CNTN4: variants seen among roughly 807,000 people sequenced by gnomAD.
CNTN4 encodes contactin-4.
A neutral mutation model predicts 122.5 loss-of-function variants in CNTN4; 77 were observed. That is an observed-to-expected ratio of 0.63 (90% confidence interval 0.52 to 0.76). The LOEUF (loss-of-function observed/expected upper bound fraction) is 0.76, where lower values mean the gene tolerates loss of function less well. Ranked by LOEUF, CNTN4 falls within the 30% of genes least tolerant of loss-of-function variation. The probability of loss-of-function intolerance (pLI) is 0.00; values close to 1 mark genes in which losing one functional copy is unlikely to be tolerated. For missense variants in CNTN4, 1,256 were observed against 1,259.1 expected (o/e 1.00, Z 0.04); for synonymous variants, 512 against 447.0 (o/e 1.15, Z -1.83).
chr3:2,385,859 C>T lies in CNTN4; in HGVS notation c.-89+46626C>T, dbSNP rs1343428152. ...CGTACCAGGGGTCAAGACTTCAACA[C>T]ATCTTTTTAGCGACACAATTCAACC... On this transcript the variant is annotated intron_variant, in intron 3 of 24. Coordinates refer to ENST00000418658, the MANE Select transcript of CNTN4 (RefSeq NM_175607.3). This position sits in a 1 kb window ranked among gnomAD's most constrained non-coding sequence, Gnocchi z 4.0. Among the ~76,000 whole-genome samples, 1 of 152,086 alleles carries T rather than the reference C, an allele frequency of 6.6e-6. No homozygotes were observed. The highest frequency in any genetic ancestry group is 2.4e-5 in the African/African-American group (1 of 41,440).
chr3:2,243,918 A>G (rs1559373672), intron 2 of CNTN4, among the ~76,000 whole-genome samples: 1 of 152,074 alleles, frequency 6.6e-6, no homozygotes, highest in Admixed American at 6.6e-5. Context: ...GCTGAAAGCA[A>G]TGTAAAAACC....
intron 13 of CNTN4, among the ~76,000 whole-genome samples, chr3:2,970,673 T>G (rs1033921392): frequency 2.0e-5 from 3 of 152,156 alleles, no homozygotes; most frequent in Non-Finnish European, 4.4e-5. Context: ...CTCAAACACC[T>G]GGGCTCAACT....
intron 4 of CNTN4, among the ~76,000 whole-genome samples, chr3:2,666,979 C>G (rs897765651): frequency 3.3e-5 from 5 of 151,970 alleles, no homozygotes; most frequent in African/African-American, 1.2e-4. Flanking sequence ...TTTTCTTAAT[C>G]CACTCTATCA....
chr3:2,351,450 C>T (rs1462794372), intron 3 of CNTN4, among the ~76,000 whole-genome samples: 1 of 152,056 alleles, frequency 6.6e-6, no homozygotes, highest in Admixed American at 6.6e-5. Context: ...CAAGGGTGAC[C>T]TTACTCGCAT....
At chr3:2,157,121 T>A (rs1559295559) in intron 2 of CNTN4, among the ~76,000 whole-genome samples, 2 of 152,262 alleles carry the variant, frequency 1.3e-5, no homozygotes, top group Non-Finnish European at 2.9e-5. Flanking sequence ...TTCTGGTTCC[T>A]GTTCTGAAAT....
rs186287912 is a variant in CNTN4, at chr3:2,380,683, T to G, written c.-89+41450T>G. Among the ~76,000 whole-genome samples, 398 of 151,916 alleles carry G rather than the reference T, an allele frequency of 2.6e-3. 4 individuals carry two copies. Among genetic ancestry groups the G allele is most frequent in the Middle Eastern group, 0.014 (4 of 292 alleles). ...ATATCCAGATTGGACTTGCTGATCA[T>G]GCATGCTTAGTGGGTTTCTTTTTTT... On this transcript the variant is annotated intron_variant, in intron 3 of 24. Transcript: ENST00000418658.
At chr3:3,012,536 G>A (rs2125516596) in intron 14 of CNTN4, among the ~76,000 whole-genome samples, 1 of 151,888 alleles carries the variant, frequency 6.6e-6, no homozygotes, top group African/African-American at 2.4e-5. Flanking sequence ...TGCAACCTCT[G>A]TCTCCTGGGT....
At position 2,867,010 on chromosome 3, in the gene CNTN4, A is replaced by G. The variant is rs6789163; in HGVS notation, c.652+61A>G. 484,941 of 1,413,236 alleles carry G rather than the reference A, an allele frequency of 0.34. 90,054 individuals are homozygous for G. The highest frequency in any genetic ancestry group is 0.74 in the East Asian group (32,212 of 43,392). 87.5% of individuals were successfully genotyped at this position (1,413,236 alleles called of 1,614,324 possible). A position where few individuals can be genotyped will look rare whatever the true frequency, so the allele number is the denominator to read the frequency against. ...GCAATCACAGGATGAATGTGGAGGT[A>G]TGTTATGTTGTTGGCACATGAAGCT... On this transcript the variant is annotated intron_variant, in intron 8 of 24. Transcript: ENST00000418658.
chr3:2,770,012 T>C (rs947870680), intron 6 of CNTN4, among the ~76,000 whole-genome samples: 1 of 107,168 alleles, frequency 9.3e-6, no homozygotes, highest in African/African-American at 3.3e-5. Flanking sequence ...TCTCTCTGTC[T>C]CTTTTTGTTT....
At chr3:2,295,023 C>T (rs1296699284) in intron 2 of CNTN4, among the ~76,000 whole-genome samples, 1 of 151,900 alleles carries the variant, frequency 6.6e-6, no homozygotes, top group Non-Finnish European at 1.5e-5. Context: ...TTTTTTATGG[C>T]TGCATAGTAT....
chr3:2,111,605 A>G (rs1190793767), intron 2 of CNTN4, among the ~76,000 whole-genome samples: 1 of 152,156 alleles, frequency 6.6e-6, no homozygotes, highest in Non-Finnish European at 1.5e-5. Context: ...TGACTCAGTG[A>G]TTCATATCCT....
chr3:2,673,308 G>A (rs1309649631), intron 4 of CNTN4, among the ~76,000 whole-genome samples: 1 of 152,078 alleles, frequency 6.6e-6, no homozygotes, highest in East Asian at 1.9e-4. Context: ...TTACATCTGG[G>A]TCTAAGCCAG....
rs535456025 is a variant in CNTN4, at chr3:2,639,495, G to A, written c.55+67937G>A. ...ACGCACTTCCCTCCACATTCATGGA[G>A]CTCCCTTACCCTGTTCCACTTTTTC... On this transcript the variant is annotated intron_variant, in intron 4 of 24. Coordinates refer to ENST00000418658, the MANE Select transcript of CNTN4 (RefSeq NM_175607.3). Among the ~76,000 whole-genome samples, 12 of 152,208 alleles carry A rather than the reference G, an allele frequency of 7.9e-5. No homozygotes were observed. In the South Asian group the frequency reaches 2.5e-3, roughly 32 times the overall value.
rs1442431969 is a variant in CNTN4 at position 2,385,966 on chromosome 3, T to C, written c.-89+46733T>C. ...GCAGTCGCTCCCGAGAATCCTTCTT[T>C]TTATGTTCAGAAGAGAGGTTATCAC... is the stretch of plus-strand genomic sequence containing the variant. On this transcript the variant is annotated intron_variant, in intron 3 of 24. Transcript: ENST00000418658. This position sits in a 1 kb window ranked among gnomAD's most constrained non-coding sequence, Gnocchi z 4.0. Among the ~76,000 whole-genome samples the C allele has an allele frequency of 6.6e-6, 1 of 152,108 alleles. No individual in the cohort carries two copies. The highest frequency in any genetic ancestry group is 2.4e-5 in the African/African-American group (1 of 41,436).
chr3:2,932,372 C>T (rs866333684), intron 13 of CNTN4, among the ~76,000 whole-genome samples: 1 of 151,828 alleles, frequency 6.6e-6, no homozygotes, highest in African/African-American at 2.4e-5. Flanking sequence ...AGCGAGACTC[C>T]GTCTCAAAAA....
At chr3:2,960,297 G>A (rs1402983640) in intron 13 of CNTN4, among the ~76,000 whole-genome samples, 2 of 152,150 alleles carry the variant, frequency 1.3e-5, no homozygotes, top group Non-Finnish European at 2.9e-5. Flanking sequence ...CTTTAAAAGA[G>A]CATTTCTCTC....
intron 3 of CNTN4, among the ~76,000 whole-genome samples, chr3:2,525,579 C>T (rs1447596080): frequency 2.0e-5 from 3 of 152,112 alleles, no homozygotes; most frequent in African/African-American, 7.2e-5. Flanking sequence ...CAATGTTGAA[C>T]ACAAGGTGTA....
Position 2,825,200 on chromosome 3 carries a change from T to C in CNTN4, c.454+5619T>C, listed in dbSNP as rs150268584. On this transcript the variant is annotated intron_variant, in intron 7 of 24. Transcript: ENST00000418658. The stretch of plus-strand genomic sequence containing the variant: ...GTTGGAGATCCACCTGGCAACACAG[T>C]GAGGCCGTCTCTAAAAAATAATTTA... 8.7e-3 allele frequency among the ~76,000 whole-genome samples: 1,322 copies of C among 152,098 alleles called. 26 individuals are homozygous for C. The highest frequency in any genetic ancestry group is 0.03 in the African/African-American group (1,247 of 41,522).
intron 13 of CNTN4, among the ~76,000 whole-genome samples, chr3:2,978,310 A>C (rs1011418196): frequency 1.3e-5 from 2 of 152,170 alleles, no homozygotes; most frequent in African/African-American, 4.8e-5. Flanking sequence ...GGCTACCCTA[A>C]ATCCCGGCCC....
Sources: allele counts gnomAD v4.1 joint callset (sites outside exome capture counted in the v4.1 genomes callset), GRCh38; gene constraint gnomAD v4.1.1; non-coding constraint Gnocchi (gnomAD v3.1); transcripts MANE v1.5; gene names NCBI Gene and HGNC (gene_info 2026-07-23, HGNC 2026-07-21).